The following SUSD4 variants were observed in gnomAD, a reference collection of about 807,000 sequenced individuals.
SUSD4 encodes the protein sushi domain containing 4, also known as sushi domain-containing protein 4.
A neutral mutation model predicts 50.5 loss-of-function variants in SUSD4; 41 were observed. That is an observed-to-expected ratio of 0.81 (90% CI 0.63 to 1.05). The LOEUF (loss-of-function observed/expected upper bound fraction) is 1.05, where lower values mean the gene tolerates loss of function less well. SUSD4 is among the 50% of genes least tolerant of loss of function. The pLI is 0.00. For missense variants in SUSD4, 580 were observed against 634.7 expected, an observed-to-expected ratio of 0.91 and a Z score of 0.93; for synonymous variants, 257 against 257.3, an observed-to-expected ratio of 1.00 and a Z score of 0.01.
intron 5 of SUSD4, chr1:223,234,810 C>T (rs1487791397): frequency 1.7e-6 from 2 of 1,149,326 alleles, no homozygotes; most frequent in Non-Finnish European, 2.3e-6. Context: ...AATAAAGAGG[C>T]CAACGTTTCT....
chr1:223,269,998 G>A (rs778474026), intron 3 of SUSD4, among the ~76,000 whole-genome samples: 107 of 152,242 alleles, frequency 7.0e-4, no homozygotes, highest in Non-Finnish European at 1.2e-3. Flanking sequence ...TTGGTGGCTC[G>A]GAAAAGGGCA....
chr1:223,276,675 A>T (rs915753557), intron 3 of SUSD4, among the ~76,000 whole-genome samples: 2 of 152,276 alleles, frequency 1.3e-5, no homozygotes, highest in Non-Finnish European at 2.9e-5. Context: ...GAGCAAGTAC[A>T]GGATAGCAGT....
At chr1:223,326,036 G>C (rs1242947186) in intron 2 of SUSD4, among the ~76,000 whole-genome samples, 1 of 151,854 alleles carries the variant, frequency 6.6e-6, no homozygotes, top group Non-Finnish European at 1.5e-5. Context: ...AATTCATATG[G>C]TACCAAAAAA....
rs1277728833 is a variant in SUSD4 at position 223,221,467 on chromosome 1, T to C, written c.*725A>G. On this transcript the variant is annotated 3_prime_UTR_variant, in exon 9 of 9. Coordinates refer to ENST00000366878, the MANE Select transcript of SUSD4 (RefSeq NM_017982.4). ...TGCCATGGATCCATGTGCCACACCATGAATACAAACACTGATGATATGTTA... is the reference window on the plus strand; with the variant it reads ...TGCCATGGATCCATGTGCCACACCACGAATACAAACACTGATGATATGTTA... 1 of 187,984 alleles carries C rather than the reference T, an allele frequency of 5.3e-6. No individual in the cohort carries two copies. Among genetic ancestry groups the C allele is most frequent in the Non-Finnish European group, 1.1e-5 (1 of 91,874 alleles). 11.6% of individuals were successfully genotyped at this position (187,984 alleles called of 1,614,324 possible). A position where few individuals can be genotyped will look rare whatever the true frequency, so the allele number is the denominator to read the frequency against.
intron 3 of SUSD4, among the ~76,000 whole-genome samples, chr1:223,289,492 C>G (rs1458146736): frequency 2.0e-5 from 3 of 152,204 alleles, no homozygotes; most frequent in African/African-American, 4.8e-5. Context: ...CCCAAGAGAA[C>G]AGCTGCCCAA....
At chr1:223,240,730 A>G (rs2103021369) in intron 5 of SUSD4, among the ~76,000 whole-genome samples, 1 of 152,274 alleles carries the variant, frequency 6.6e-6, no homozygotes, top group Non-Finnish European at 1.5e-5. Flanking sequence ...CCCTTAGCAT[A>G]TTAATCATAG....
chr1:223,319,366 C>T (rs1253483514), intron 2 of SUSD4, among the ~76,000 whole-genome samples: 1 of 148,882 alleles, frequency 6.7e-6, no homozygotes, highest in Non-Finnish European at 1.5e-5. Flanking sequence ...AGTGAACAGG[C>T]AACCTACAAC....
At chr1:223,291,279 G>T (rs934675243) in intron 3 of SUSD4, among the ~76,000 whole-genome samples, 6 of 151,990 alleles carry the variant, frequency 3.9e-5, no homozygotes, top group African/African-American at 1.4e-4. Flanking sequence ...GATTGCATGA[G>T]CTCAGGAGTT....
chr1:223,274,557 C>A (rs767440467), intron 3 of SUSD4, among the ~76,000 whole-genome samples: 12 of 152,096 alleles, frequency 7.9e-5, no homozygotes, highest in Non-Finnish European at 1.6e-4. Context: ...AACAGTTGGT[C>A]AAAGAAAAGT....
At chr1:223,252,061 G>A (rs1320510583) in intron 5 of SUSD4, among the ~76,000 whole-genome samples, 7 of 115,638 alleles carry the variant, frequency 6.1e-5, no homozygotes, top group Non-Finnish European at 1.2e-4. Flanking sequence ...ACACACCAGG[G>A]CCTGTTGTGG....
chr1:223,330,797 C>T (rs889209480), intron 2 of SUSD4, among the ~76,000 whole-genome samples: 1 of 152,144 alleles, frequency 6.6e-6, no homozygotes, highest in African/African-American at 2.4e-5. Context: ...TTCACCATAG[C>T]TGGTGGGTTT....
intron 2 of SUSD4, among the ~76,000 whole-genome samples, chr1:223,300,468 T>A (rs1665115821): frequency 3.9e-5 from 6 of 152,154 alleles, no homozygotes; most frequent in Admixed American, 3.9e-4. Flanking sequence ...GTGAGCAACA[T>A]AAGAAGTCTT....
chr1:223,277,545 T>C (rs1558207267), intron 3 of SUSD4, among the ~76,000 whole-genome samples: 1 of 151,974 alleles, frequency 6.6e-6, no homozygotes, highest in Non-Finnish European at 1.5e-5. Context: ...AGGCATAGGT[T>C]GAAATACCTA....
intron 2 of SUSD4, among the ~76,000 whole-genome samples, chr1:223,297,677 A>G (rs1664915716): frequency 6.6e-6 from 1 of 152,142 alleles, no homozygotes; most frequent in African/African-American, 2.4e-5. Context: ...CTTCTCATCA[A>G]GGCAACCTGG....
intron 3 of SUSD4, among the ~76,000 whole-genome samples, chr1:223,286,249 G>A (rs1664131394): frequency 6.6e-6 from 1 of 152,176 alleles, no homozygotes; most frequent in African/African-American, 2.4e-5. Flanking sequence ...CCGAGTAGCT[G>A]GGACTACAGA....
At chr1:223,300,476 CTT>C (rs1207918148) in intron 2 of SUSD4, among the ~76,000 whole-genome samples, 1 of 152,062 alleles carries the variant, frequency 6.6e-6, no homozygotes, top group African/African-American at 2.4e-5. Flanking sequence ...CATAAGAAGT[CTT>C]TAAAAAGAAT....
intron 5 of SUSD4, among the ~76,000 whole-genome samples, chr1:223,252,236 A>AATATATATAT (rs1193229922): frequency 8.9e-5 from 8 of 89,704 alleles, no homozygotes; most frequent in East Asian, 2.8e-4. Context: ...AAAAAAAAAA[A>AATATATATAT]ATATATATAT....
chr1:223,258,537 G>T (rs572868635), intron 5 of SUSD4, among the ~76,000 whole-genome samples: 1 of 151,802 alleles, frequency 6.6e-6, no homozygotes, highest in East Asian at 2.0e-4. Context: ...AGTCACCTGG[G>T]GGCATTCTGG....
chr1:223,311,662 C>T (rs946556427), intron 2 of SUSD4, among the ~76,000 whole-genome samples: 2 of 152,170 alleles, frequency 1.3e-5, no homozygotes, highest in African/African-American at 2.4e-5. Flanking sequence ...CTTGTTTATA[C>T]AGAAATAGGC....
Sources: allele counts gnomAD v4.1 joint callset (sites outside exome capture counted in the v4.1 genomes callset), GRCh38; gene constraint gnomAD v4.1.1; transcripts MANE v1.5; gene names NCBI Gene and HGNC (gene_info 2026-07-23, HGNC 2026-07-21).